OC90: variants seen among roughly 807,000 people sequenced by gnomAD.
OC90 encodes otoconin 90.
OC90 carries 46 observed loss-of-function variants against 47.3 expected under a neutral mutation model. The observed-to-expected ratio is 0.97, with a 90% CI of 0.77 to 1.24. The LOEUF (loss-of-function observed/expected upper bound fraction) is 1.24. Ranked by LOEUF, OC90 falls within the 50% of genes most tolerant of loss-of-function variation. The pLI, the probability that OC90 is intolerant of heterozygous loss-of-function variation, is 0.00. For synonymous variants in OC90, 271 were observed against 219.5 expected, an observed-to-expected ratio of 1.23 and a Z score of -2.07; for missense variants, 688 against 583.9, an observed-to-expected ratio of 1.18 and a Z score of -1.84.
chr8:132,059,255 A>C (rs1337623986), intron 1 of OC90, 86 bp downstream of exon 1: 9 of 115,810 alleles, frequency 7.8e-5, no homozygotes, highest in East Asian at 2.5e-4. Context: ...TCTCCCATTC[A>C]TTTCCCTCCT....
chr8:132,042,100 C>T (rs2130859007), intron 4 of OC90, among the ~76,000 whole-genome samples: 1 of 91,202 alleles, frequency 1.1e-5, no homozygotes, highest in Non-Finnish European at 2.5e-5. Context: ...CTTTTCTTTT[C>T]TAGCAACGAA....
rs1179829402 is a variant in OC90, at chr8:132,048,860, G to C, written c.47-2977C>G. 2.6e-5 allele frequency among the ~76,000 whole-genome samples: 4 copies of C among 151,530 alleles called. No individual in the cohort carries two copies. In the East Asian group the frequency reaches 5.8e-4, roughly 22 times the overall value. On this transcript the variant is annotated intron_variant, in intron 2 of 13. Transcript: ENST00000254627. ...GATGGCTGAGGCACAGTCTACAAGAGGGCAGCTGCAACCCCCTATGACCCA... is the reference window on the plus strand; with the variant it reads ...GATGGCTGAGGCACAGTCTACAAGACGGCAGCTGCAACCCCCTATGACCCA...
chr8:132,058,520 G>A (rs1823304365), intron 1 of OC90, among the ~76,000 whole-genome samples: 1 of 152,200 alleles, frequency 6.6e-6, no homozygotes, highest in South Asian at 2.1e-4. Context: ...CCAAGGCCTT[G>A]CTGGTCGGAC....
chr8:132,025,110 G>T (rs1355677047), intron 13 of OC90, among the ~76,000 whole-genome samples: 2 of 152,188 alleles, frequency 1.3e-5, no homozygotes, highest in Non-Finnish European at 2.9e-5. Context: ...TTCTATCACT[G>T]CAGGTTATGT....
chr8:132,028,038 T>C (rs1822784176), intron 13 of OC90, among the ~76,000 whole-genome samples: 1 of 152,128 alleles, frequency 6.6e-6, no homozygotes, highest in South Asian at 2.1e-4. Flanking sequence ...CGGGATACTG[T>C]TTTGAGGATT....
chr8:132,048,320 T>C (rs535192749), intron 2 of OC90, among the ~76,000 whole-genome samples: 16 of 152,356 alleles, frequency 1.1e-4, no homozygotes, highest in Non-Finnish European at 1.8e-4. Flanking sequence ...TATTTTTCTT[T>C]TAAAGCAAGC....
Position 132,057,115 on chromosome 8 carries a change from G to A in OC90, c.-47-2042C>T, listed in dbSNP as rs565059463. On this transcript the variant is annotated intron_variant, in intron 1 of 13. Transcript: ENST00000254627. ...ATCTTTGTGAGGCACATACAACAGC[G>A]CCTGACATAGAGAAGTTGCTCAAAA... 2.1e-4 allele frequency among the ~76,000 whole-genome samples: 32 copies of A among 152,308 alleles called. 1 individual carries two copies. In the South Asian group the frequency reaches 4.1e-3, roughly 20 times the overall value.
At chr8:132,031,689 C>T (rs1822876972) in intron 12 of OC90, among the ~76,000 whole-genome samples, 192 bp downstream of exon 12, 1 of 152,166 alleles carries the variant, frequency 6.6e-6, no homozygotes, top group Non-Finnish European at 1.5e-5. Flanking sequence ...ACAAGTCAGT[C>T]CCTGAGCCTC....
At chr8:132,045,325 C>T (rs1408849221) in intron 3 of OC90, among the ~76,000 whole-genome samples, 3 of 152,194 alleles carry the variant, frequency 2.0e-5, no homozygotes, top group Non-Finnish European at 4.4e-5. Context: ...ATTCACTATG[C>T]ATTATGGTCT....
chr8:132,024,638 TCAC>T lies in OC90; in HGVS notation c.1274_1276del (p.Cys425_Glu426delinsTer). ...TGCGGGCACAGGGTGCAGGCTGTCT[TCAC>T]AGGCTGCTGGCTGCCCAGGGCACCC... On this transcript the variant is annotated stop_gained and inframe_deletion, in exon 14 of 14. Coordinates refer to ENST00000254627, the MANE Select transcript of OC90 (RefSeq NM_001080399.3). LOFTEE classifies it low-confidence loss of function (END_TRUNC). 1 of 1,613,168 alleles carries T rather than the reference TCAC, an allele frequency of 6.2e-7. No individual in the cohort carries two copies. The highest frequency in any genetic ancestry group is 1.1e-5 in the South Asian group (1 of 90,996).
At chr8:132,037,927 C>T (rs998471788) in intron 8 of OC90, among the ~76,000 whole-genome samples, 2 of 152,222 alleles carry the variant, frequency 1.3e-5, no homozygotes, top group African/African-American at 2.4e-5. Context: ...CATGTACACA[C>T]ATGCACACCC....
intron 11 of OC90, 47 bp from the exon 12 acceptor site, chr8:132,032,099 C>A (rs368301751): frequency 8.9e-5 from 140 of 1,576,662 alleles, no homozygotes; most frequent in Non-Finnish European, 1.2e-4. Context: ...GTCGGGGCAG[C>A]TGTCTCAACA....
chr8:132,042,215 G>T (rs1249466108), intron 4 of OC90, among the ~76,000 whole-genome samples: 1 of 152,142 alleles, frequency 6.6e-6, no homozygotes, highest in Non-Finnish European at 1.5e-5. Context: ...TAATCAGGAG[G>T]CCCCAAGTCT....
chr8:132,026,005 T>C (rs1247687913), intron 13 of OC90, among the ~76,000 whole-genome samples: 1 of 152,272 alleles, frequency 6.6e-6, no homozygotes, highest in East Asian at 1.9e-4. Context: ...AGATAAAATA[T>C]AGATGATCAG....
chr8:132,055,353 A>G (rs1333619166), intron 1 of OC90, among the ~76,000 whole-genome samples: 1 of 152,146 alleles, frequency 6.6e-6, no homozygotes, highest in East Asian at 1.9e-4. Flanking sequence ...GATTGATTCC[A>G]TGGTCATTTC....
intron 2 of OC90, among the ~76,000 whole-genome samples, chr8:132,047,323 C>CT (rs11339050): frequency 8.0e-5 from 12 of 150,680 alleles, no homozygotes; most frequent in South Asian, 4.2e-4. Flanking sequence ...AGTCAGCTCA[C>CT]TTTTTTTTTT....
chr8:132,038,974 A>G lies in OC90; in HGVS notation c.586+21T>C, dbSNP rs574068509. On this transcript the variant is annotated intron_variant, in intron 7 of 13. Coordinates refer to ENST00000254627, the MANE Select transcript of OC90 (RefSeq NM_001080399.3). ...GTCCAGATCCTCAGCCCCACGGCTGATGCAGCCAGGTTCTTCCTACCTGGA... is the reference window on the plus strand; with the variant it reads ...GTCCAGATCCTCAGCCCCACGGCTGGTGCAGCCAGGTTCTTCCTACCTGGA... 1.4e-5 allele frequency: 23 copies of G among 1,613,968 alleles called. No individual in the cohort carries two copies. In the East Asian group the frequency reaches 5.1e-4, roughly 36 times the overall value.
intron 2 of OC90, among the ~76,000 whole-genome samples, chr8:132,050,027 T>G (rs1442526436): frequency 2.0e-5 from 3 of 152,230 alleles, no homozygotes; most frequent in Non-Finnish European, 2.9e-5. Context: ...CCAACAGGCC[T>G]GACTTAAAAC....
chr8:132,044,678 C>T (rs1407746321), intron 3 of OC90, among the ~76,000 whole-genome samples, 189 bp from the exon 4 acceptor site: 3 of 152,108 alleles, frequency 2.0e-5, no homozygotes, highest in Admixed American at 6.5e-5. Flanking sequence ...ATGTGAATTC[C>T]ATTACTGGGT....
Sources: allele counts gnomAD v4.1 joint callset (sites outside exome capture counted in the v4.1 genomes callset), GRCh38; gene constraint gnomAD v4.1.1; transcripts MANE v1.5; gene names NCBI Gene and HGNC (gene_info 2026-07-23, HGNC 2026-07-21).